The following GIGYF2 variants were observed in gnomAD, a reference collection of about 807,000 sequenced individuals.
The protein encoded by GIGYF2 is GRB10 interacting GYF protein 2.
Under a neutral mutation model 208.1 loss-of-function variants are expected in GIGYF2, and 25 were observed. The observed-to-expected ratio is 0.12, with a 90% CI of 0.09 to 0.17. The LOEUF is 0.17. GIGYF2 is among the 10% of genes least tolerant of loss of function. GIGYF2 has a pLI of 1.00. For synonymous variants in GIGYF2, 534 were observed against 543.8 expected (o/e 0.98, Z 0.25); for missense variants, 1,302 against 1,579.4 (o/e 0.82, Z 2.98).
chr2:232,819,448 T>C (rs531099523), intron 20 of GIGYF2, among the ~76,000 whole-genome samples: 1 of 152,260 alleles, frequency 6.6e-6, no homozygotes, highest in Non-Finnish European at 1.5e-5. Flanking sequence ...TGATTTGCCC[T>C]CTCTATGCCT....
chr2:232,718,606 G>C (rs1026733998), intron 2 of GIGYF2, among the ~76,000 whole-genome samples: 2 of 152,160 alleles, frequency 1.3e-5, no homozygotes, highest in Admixed American at 6.5e-5. Context: ...TTTGTTATGG[G>C]ATCACAGGGT....
chr2:232,759,592 G>A (rs1273223731), intron 6 of GIGYF2, among the ~76,000 whole-genome samples: 1 of 151,808 alleles, frequency 6.6e-6, no homozygotes, highest in South Asian at 2.1e-4. Flanking sequence ...AATAATGTCC[G>A]TGCTTAATCT....
intron 8 of GIGYF2, among the ~76,000 whole-genome samples, chr2:232,776,094 C>T (rs1699501466): frequency 6.6e-6 from 1 of 151,922 alleles, no homozygotes; most frequent in Admixed American, 6.6e-5. Flanking sequence ...TTTTTATGCT[C>T]ATTTTGGGTT....
chr2:232,768,367 A>G lies in GIGYF2; in HGVS notation c.532+6931A>G, dbSNP rs374945617. 50 of 1,614,090 alleles carry G rather than the reference A, an allele frequency of 3.1e-5. No individual in the cohort carries two copies. Among genetic ancestry groups the G allele is most frequent in the Non-Finnish European group, 1.0e-5 (12 of 1,180,038 alleles). The stretch of plus-strand genomic sequence containing the variant: ...TATTCACCTTTGGAACCTCGGGTCA[A>G]CAGAGATGCAAAACAGTGATGTAAC... On this transcript the variant is annotated intron_variant, in intron 8 of 28. Coordinates refer to ENST00000373563, the MANE Select transcript of GIGYF2 (RefSeq NM_001103146.3).
intron 27 of GIGYF2, among the ~76,000 whole-genome samples, chr2:232,849,538 CTG>C (rs1053734019): frequency 3.3e-5 from 5 of 152,154 alleles, no homozygotes; most frequent in East Asian, 1.9e-4. Flanking sequence ...AATGGCTTCT[CTG>C]TGGGCTAAAA....
chr2:232,803,166 C>T (rs1361343177), intron 14 of GIGYF2, among the ~76,000 whole-genome samples: 1 of 152,222 alleles, frequency 6.6e-6, no homozygotes, highest in Non-Finnish European at 1.5e-5. Context: ...GCTGGGATTA[C>T]TGGCGTGAGC....
At chr2:232,724,417 G>C (rs1697100214) in intron 2 of GIGYF2, among the ~76,000 whole-genome samples, 1 of 151,798 alleles carries the variant, frequency 6.6e-6, no homozygotes, top group South Asian at 2.1e-4. Context: ...TCACCTCCCA[G>C]TCATGCCTCA....
intron 28 of GIGYF2, among the ~76,000 whole-genome samples, chr2:232,851,712 G>A (rs545860916): frequency 1.3e-5 from 2 of 152,294 alleles, no homozygotes; most frequent in African/African-American, 2.4e-5. Context: ...GAACCGCCAC[G>A]CCCGGCCCTA....
At chr2:232,760,723 T>G in intron 7 of GIGYF2, 132 bp downstream of exon 7, 1 of 664,470 alleles carries the variant, frequency 1.5e-6, no homozygotes, top group Admixed American at 2.3e-5. Context: ...GTATTGAACA[T>G]CAAGTTGTAC....
chr2:232,752,998 C>T (rs1291550682), intron 5 of GIGYF2, among the ~76,000 whole-genome samples: 1 of 152,078 alleles, frequency 6.6e-6, no homozygotes, highest in Non-Finnish European at 1.5e-5. Context: ...TTCAGGGGTG[C>T]TTATGGTGTC....
chr2:232,832,901 G>T lies in GIGYF2; in HGVS notation c.2574G>T (p.Gln858His), dbSNP rs1217292805. The change falls in exon 22 of 29, where the codon CAG (glutamine) becomes CAT (histidine). Residue 858 changes from glutamine (Q) to histidine (H), a missense_variant. Gln to His is a conservative substitution (Grantham distance 24). This residue lies in a region of GIGYF2 where 701 missense variants were observed against 793.0 expected (regional missense o/e 0.88). Coordinates refer to ENST00000373563, the MANE Select transcript of GIGYF2 (RefSeq NM_001103146.3). ...GGGCCCGGGAAGAAGAAGAAGCCCA[G>T]CGTCGATTAGAGGAGAACCGGCTGC... The part of the protein sequence containing the change: ...AKWAREEEEA[Q>H]RRLEENRLRM... 1.3e-6 allele frequency: 2 copies of T among 1,562,662 alleles called. No individual in the cohort carries two copies. The highest frequency in any genetic ancestry group is 8.7e-7 in the Non-Finnish European group (1 of 1,153,338).
chr2:232,729,837 T>C, intron 2 of GIGYF2: 1 of 743,024 alleles, frequency 1.3e-6, no homozygotes, highest in East Asian at 2.5e-5. Flanking sequence ...GTGGAAGGTG[T>C]TCTTCCCTTA....
rs559919207 is a variant in GIGYF2, at chr2:232,774,053, G to T, written c.532+12617G>T. 1.1e-4 allele frequency among the ~76,000 whole-genome samples: 17 copies of T among 151,854 alleles called. No homozygotes were observed. In the East Asian group the frequency reaches 3.1e-3, roughly 28 times the overall value. The stretch of plus-strand genomic sequence containing the variant: ...CACTAGCACTTTGGGACGTTGAGTC[G>T]GGAGGATTGCTTGAGGTCGGGAATT... On this transcript the variant is annotated intron_variant, in intron 8 of 28. Coordinates refer to ENST00000373563, the MANE Select transcript of GIGYF2 (RefSeq NM_001103146.3).
rs551408119 is a variant in GIGYF2 at position 232,806,395 on chromosome 2, G to A, written c.1640-96G>A. Reference sequence around the variant, plus strand: ...GATAGTATAAAACATTTTGACAGATGCCACCTCGATGAGAATCAGATGCAG... The same window carrying A: ...GATAGTATAAAACATTTTGACAGATACCACCTCGATGAGAATCAGATGCAG... On this transcript the variant is annotated intron_variant, in intron 14 of 28. Transcript: ENST00000373563. The surrounding 1 kb of genome is among the most constrained non-coding windows in gnomAD (Gnocchi z 4.0). The A allele has an allele frequency of 3.2e-5, 28 of 872,486 alleles. No individual in the cohort carries two copies. In the South Asian group the frequency reaches 3.5e-4, roughly 11 times the overall value. The allele number at this position is 872,486 out of a possible 1,614,324, so 54.0% of individuals were successfully genotyped here. A position where few individuals can be genotyped will look rare whatever the true frequency, so the allele number is the denominator to read the frequency against.
Position 232,711,748 on chromosome 2 carries a change from G to A in GIGYF2, c.-44+8259G>A, listed in dbSNP as rs141670797. Among the ~76,000 whole-genome samples the A allele has an allele frequency of 2.8e-3, 316 of 114,682 alleles. 2 individuals are homozygous for A. Among genetic ancestry groups the A allele is most frequent in the African/African-American group, 9.2e-3 (305 of 33,192 alleles). The allele number at this position is 114,682 out of a possible 152,430, so 75.2% of individuals were successfully genotyped here. On this transcript the variant is annotated intron_variant, in intron 2 of 28. Coordinates refer to ENST00000373563, the MANE Select transcript of GIGYF2 (RefSeq NM_001103146.3). ...ATATAGTTGTAATAGAATTTCAATA[G>A]CTTTTACAGATAATTGCAGATATTC...
rs942034282 is a variant in GIGYF2 at position 232,763,820 on chromosome 2, G to A, written c.532+2384G>A. On this transcript the variant is annotated intron_variant, in intron 8 of 28. Transcript: ENST00000373563. ...CACTCCAGCCTGGCTGGCAGAGCAA[G>A]ACTCTGTCTGCAAAAAAAAAAAAAA... 2.0e-5 allele frequency among the ~76,000 whole-genome samples: 3 copies of A among 148,718 alleles called. No homozygotes were observed. In the Admixed American group the frequency reaches 2.0e-4, roughly 10 times the overall value.
At chr2:232,729,132 C>T (rs1447135258) in intron 2 of GIGYF2, among the ~76,000 whole-genome samples, 2 of 152,120 alleles carry the variant, frequency 1.3e-5, no homozygotes, top group Non-Finnish European at 1.5e-5. Flanking sequence ...GAGCATACCA[C>T]CACGCGTGAC....
chr2:232,792,068 A>G (rs932067892), intron 12 of GIGYF2, among the ~76,000 whole-genome samples: 5 of 152,212 alleles, frequency 3.3e-5, no homozygotes, highest in East Asian at 1.9e-4. Context: ...ACCCTTTAAC[A>G]TGGCATATGA....
At chr2:232,828,548 G>A (rs1018920662) in intron 21 of GIGYF2, 6 of 151,830 alleles carry the variant, frequency 4.0e-5, no homozygotes, top group African/African-American at 1.5e-4. Flanking sequence ...GAACTCCTTG[G>A]TTCAAGCTAT....
Sources: allele counts gnomAD v4.1 joint callset (sites outside exome capture counted in the v4.1 genomes callset), GRCh38; gene constraint gnomAD v4.1.1; regional missense constraint gnomAD v4.1.1; non-coding constraint Gnocchi (gnomAD v3.1); transcripts MANE v1.5; gene names NCBI Gene and HGNC (gene_info 2026-07-23, HGNC 2026-07-21).